The following PTPRD variants were observed in gnomAD, a reference collection of about 807,000 sequenced individuals.
The protein encoded by PTPRD is protein tyrosine phosphatase receptor type D, also known as receptor-type tyrosine-protein phosphatase delta.
A neutral mutation model predicts 214.5 loss-of-function variants in PTPRD; 34 were observed. The observed-to-expected ratio is 0.16, with a 90% confidence interval of 0.12 to 0.21. PTPRD has a LOEUF of 0.21. Among genes scored for constraint, PTPRD ranks in the 10% least tolerant of loss-of-function variants. The pLI, the probability that PTPRD is intolerant of heterozygous loss-of-function variation, is 1.00. For missense variants in PTPRD, 2,545 were observed against 2,398.7 expected (o/e 1.06, Z -1.27); for synonymous variants, 1,128 against 845.7 (o/e 1.33, Z -5.79).
chr9:8,491,658 T>TAAAAA (rs922847603), intron 27 of PTPRD, among the ~76,000 whole-genome samples: 1 of 113,528 alleles, frequency 8.8e-6, no homozygotes, highest in African/African-American at 3.3e-5. Context: ...CAATGGTATT[T>TAAAAA]AAAAAAAAAA....
rs139622813 is a variant in PTPRD, at chr9:8,687,759, A to G, written c.64+46021T>C. The stretch of plus-strand genomic sequence containing the variant: ...AATAAGAGTTTTTTTTTTTTTCTCA[A>G]CTAGTCTCCTTTTCTCAGAGTAAGT... On this transcript the variant is annotated intron_variant, in intron 12 of 45. Coordinates refer to ENST00000381196, the MANE Select transcript of PTPRD (RefSeq NM_002839.4). Among the ~76,000 whole-genome samples, 336 of 151,950 alleles carry G rather than the reference A, an allele frequency of 2.2e-3. 2 individuals carry two copies. Among genetic ancestry groups the G allele is most frequent in the East Asian group, 0.015 (78 of 5,176 alleles).
intron 2 of PTPRD, among the ~76,000 whole-genome samples, chr9:10,467,067 G>A (rs2098999650): frequency 6.6e-6 from 1 of 152,166 alleles, no homozygotes; most frequent in African/African-American, 2.4e-5. Flanking sequence ...ACTCTGACCT[G>A]TGACTACCCT....
intron 9 of PTPRD, among the ~76,000 whole-genome samples, chr9:9,273,076 A>T (rs1289146694): frequency 6.6e-6 from 1 of 151,356 alleles, no homozygotes; most frequent in Non-Finnish European, 1.5e-5. Context: ...GCAAATTTGA[A>T]TTTGAGTTTT....
intron 10 of PTPRD, among the ~76,000 whole-genome samples, chr9:9,041,901 A>G (rs1360375079): frequency 6.6e-6 from 1 of 152,212 alleles, no homozygotes; most frequent in Admixed American, 6.5e-5. Flanking sequence ...GAATTATTTG[A>G]ACAAGAAGTC....
At chr9:8,639,718 T>C (rs1007846181) in intron 12 of PTPRD, among the ~76,000 whole-genome samples, 6 of 152,186 alleles carry the variant, frequency 3.9e-5, no homozygotes, top group African/African-American at 9.7e-5. Context: ...AAGTGCTTCA[T>C]CTGTCCTGTT....
intron 12 of PTPRD, among the ~76,000 whole-genome samples, chr9:8,709,218 A>C (rs72700389): frequency 0.018 from 2,717 of 152,260 alleles, 37 homozygotes; most frequent in African/African-American, 0.043. Context: ...TGCATTCTTC[A>C]AAAATGCTAA....
intron 33 of PTPRD, among the ~76,000 whole-genome samples, chr9:8,452,127 T>A (rs184765788): frequency 2.6e-5 from 4 of 152,356 alleles, no homozygotes; most frequent in Admixed American, 1.3e-4. Context: ...TGTAGTGACA[T>A]TTAATAACTA....
At chr9:9,584,723 A>T (rs139194681) in intron 7 of PTPRD, among the ~76,000 whole-genome samples, 1 of 151,838 alleles carries the variant, frequency 6.6e-6, no homozygotes, top group African/African-American at 2.4e-5. Flanking sequence ...GTCCTGAATT[A>T]CCATGCACCC....
At chr9:9,908,008 C>A (rs553308258) in intron 5 of PTPRD, among the ~76,000 whole-genome samples, 1 of 151,180 alleles carries the variant, frequency 6.6e-6, no homozygotes, top group South Asian at 2.1e-4. Flanking sequence ...ACTTTGAGGA[C>A]TATATAGTAT....
intron 5 of PTPRD, among the ~76,000 whole-genome samples, chr9:9,906,243 G>A (rs760392941): frequency 1.0e-3 from 158 of 151,822 alleles, no homozygotes; most frequent in Non-Finnish European, 1.8e-3. Context: ...AAAATATTAA[G>A]GAAAGAAAAA....
intron 3 of PTPRD, among the ~76,000 whole-genome samples, chr9:10,147,388 C>T (rs140427134): frequency 9.7e-4 from 147 of 152,216 alleles, no homozygotes; most frequent in African/African-American, 3.5e-3. Flanking sequence ...TATAAAGACA[C>T]ATGCACACGT....
intron 7 of PTPRD, among the ~76,000 whole-genome samples, chr9:9,641,173 A>G (rs1469498472): frequency 7.7e-6 from 1 of 129,294 alleles, no homozygotes; most frequent in Non-Finnish European, 1.8e-5. Flanking sequence ...GCTGCTTAGC[A>G]AATGTAGCTC....
At chr9:9,222,039 G>C (rs1229272914) in intron 9 of PTPRD, among the ~76,000 whole-genome samples, 1 of 152,022 alleles carries the variant, frequency 6.6e-6, no homozygotes, top group East Asian at 1.9e-4. Context: ...GGTTAATTTT[G>C]TCCATTGTGT....
At chr9:10,236,604 AGTT>A (rs2154359839) in intron 3 of PTPRD, among the ~76,000 whole-genome samples, 1 of 152,060 alleles carries the variant, frequency 6.6e-6, no homozygotes, top group Non-Finnish European at 1.5e-5. Context: ...ATATATAATA[AGTT>A]ATTATATTTT....
intron 3 of PTPRD, among the ~76,000 whole-genome samples, chr9:10,318,256 A>G (rs963690571): frequency 6.6e-6 from 1 of 152,038 alleles, no homozygotes; most frequent in African/African-American, 2.4e-5. Flanking sequence ...AATTTTTCTC[A>G]CATAACAAGA....
intron 10 of PTPRD, among the ~76,000 whole-genome samples, chr9:9,060,678 G>A (rs1037847103): frequency 6.6e-6 from 1 of 151,922 alleles, no homozygotes; most frequent in Non-Finnish European, 1.5e-5. Flanking sequence ...AAAAAAAAGA[G>A]CAGGATATTT....
chr9:9,975,929 G>C (rs1016524596), intron 4 of PTPRD, among the ~76,000 whole-genome samples: 1 of 152,178 alleles, frequency 6.6e-6, no homozygotes, highest in Non-Finnish European at 1.5e-5. Flanking sequence ...AGTAAAGTTA[G>C]TGCTACTAAC....
chr9:9,798,376 A>C (rs1348579533), intron 5 of PTPRD, among the ~76,000 whole-genome samples: 6 of 152,292 alleles, frequency 3.9e-5, no homozygotes, highest in Non-Finnish European at 8.8e-5. Flanking sequence ...TGATGAAGTA[A>C]ATAGTTGTGA....
At chr9:9,626,118 G>A (rs1375514191) in intron 7 of PTPRD, among the ~76,000 whole-genome samples, 1 of 152,186 alleles carries the variant, frequency 6.6e-6, no homozygotes, top group Non-Finnish European at 1.5e-5. Flanking sequence ...TCAACGTGTG[G>A]TCTAGAATTA....
Sources: gnomAD v4.1 joint callset for allele counts (sites outside exome capture counted in the v4.1 genomes callset) on GRCh38, gnomAD v4.1.1 for gene constraint, MANE v1.5 for transcripts, NCBI Gene and HGNC (gene_info 2026-07-23, HGNC 2026-07-21) for gene names.